Variants in VEPH1 observed in about 807,000 individuals in gnomAD.
VEPH1 encodes ventricular zone expressed PH domain containing 1.
In VEPH1, 80 loss-of-function variants were observed where a neutral mutation model predicts 85.2. The observed-to-expected ratio is 0.94, with a 90% CI of 0.78 to 1.13. VEPH1 has a LOEUF of 1.13. Ranked by LOEUF, VEPH1 falls within the 50% of genes most tolerant of loss-of-function variation. The pLI is 0.00. For missense variants in VEPH1, 955 were observed against 980.5 expected, an observed-to-expected ratio of 0.97 and a Z score of 0.35; for synonymous variants, 297 against 348.0, an observed-to-expected ratio of 0.85 and a Z score of 1.63.
intron 5 of VEPH1, among the ~76,000 whole-genome samples, chr3:157,422,841 T>C (rs1265406444): frequency 2.6e-5 from 4 of 152,220 alleles, no homozygotes; most frequent in Non-Finnish European, 5.9e-5. Context: ...CATACTCACA[T>C]GATCCTTTCC....
intron 7 of VEPH1, among the ~76,000 whole-genome samples, chr3:157,376,365 G>C (rs1728109641): frequency 6.6e-6 from 1 of 152,116 alleles, no homozygotes. Flanking sequence ...GCCAGTTACA[G>C]AGGTGCCCAG....
At chr3:157,373,040 G>A (rs1727688152) in intron 7 of VEPH1, among the ~76,000 whole-genome samples, 1 of 152,128 alleles carries the variant, frequency 6.6e-6, no homozygotes, top group Non-Finnish European at 1.5e-5. Context: ...TCTATGTATA[G>A]TCTTCACTGT....
intron 2 of VEPH1, among the ~76,000 whole-genome samples, chr3:157,472,943 T>C (rs953850689): frequency 2.6e-5 from 4 of 152,182 alleles, no homozygotes; most frequent in Non-Finnish European, 5.9e-5. Flanking sequence ...TGACTCCATG[T>C]CTTTGCTATT....
At chr3:157,333,718 C>A (rs536354378) in intron 9 of VEPH1, among the ~76,000 whole-genome samples, 1 of 152,334 alleles carries the variant, frequency 6.6e-6, no homozygotes, top group South Asian at 2.1e-4. Flanking sequence ...CCGTGATCCC[C>A]TGCAGGTACC....
At chr3:157,286,396 T>G in intron 12 of VEPH1, 161 bp downstream of exon 12, 1 of 668,406 alleles carries the variant, frequency 1.5e-6, no homozygotes, top group Non-Finnish European at 2.7e-6. Flanking sequence ...ACGACCACTT[T>G]GGTGAGACGC....
intron 2 of VEPH1, among the ~76,000 whole-genome samples, chr3:157,480,491 C>T (rs1737934685): frequency 6.6e-6 from 1 of 151,984 alleles, no homozygotes; most frequent in African/African-American, 2.4e-5. Context: ...TCTATTGTTC[C>T]CATCCTTACG....
At position 157,474,648 on chromosome 3, in the gene VEPH1, G is replaced by T. The variant is rs115226643; in HGVS notation, c.139-4119C>A. Among the ~76,000 whole-genome samples, 226 of 152,262 alleles carry T rather than the reference G, an allele frequency of 1.5e-3. 2 individuals are homozygous for T. The highest frequency in any genetic ancestry group is 5.1e-3 in the African/African-American group (214 of 41,556). On this transcript the variant is annotated intron_variant, in intron 2 of 13. Coordinates refer to ENST00000362010, the MANE Select transcript of VEPH1 (RefSeq NM_001167912.2). ...TCATAATCAACAATTTAAGCATGGT[G>T]GAGCTACATGTAGACTTCACAGGTC...
At chr3:157,315,931 GAA>G (rs760694772) in intron 10 of VEPH1, 4 of 151,870 alleles carry the variant, frequency 2.6e-5, no homozygotes, top group Admixed American at 6.6e-5. Flanking sequence ...TCAAGAAAAC[GAA>G]AGACAGTCAA....
intron 5 of VEPH1, among the ~76,000 whole-genome samples, chr3:157,422,438 T>C (rs994414171): frequency 6.6e-6 from 1 of 152,224 alleles, no homozygotes; most frequent in African/African-American, 2.4e-5. Context: ...ATATAGTGCC[T>C]GGTATATGGT....
intron 6 of VEPH1, among the ~76,000 whole-genome samples, chr3:157,396,977 C>A (rs530839915): frequency 6.6e-6 from 1 of 152,172 alleles, no homozygotes; most frequent in East Asian, 1.9e-4. Flanking sequence ...TTTGTTGCAA[C>A]TGCTTTTGAC....
chr3:157,422,179 A>G (rs1732395818), intron 5 of VEPH1, among the ~76,000 whole-genome samples: 1 of 152,094 alleles, frequency 6.6e-6, no homozygotes, highest in Non-Finnish European at 1.5e-5. Flanking sequence ...TGGGAAAGTG[A>G]CCCAGCTAGT....
chr3:157,292,269 G>A (rs1050687002), intron 11 of VEPH1, among the ~76,000 whole-genome samples: 7 of 152,156 alleles, frequency 4.6e-5, no homozygotes, highest in African/African-American at 1.4e-4. Flanking sequence ...GCTCTGGTGT[G>A]CCCTGACTGT....
At chr3:157,293,007 G>C (rs1331391352) in intron 11 of VEPH1, among the ~76,000 whole-genome samples, 1 of 149,252 alleles carries the variant, frequency 6.7e-6, no homozygotes, top group Non-Finnish European at 1.5e-5. Flanking sequence ...AAAGAAAAAA[G>C]AAAAAAGTTT....
chr3:157,304,023 T>TATATATATATC (rs1553761055), intron 11 of VEPH1, among the ~76,000 whole-genome samples: 1 of 89,134 alleles, frequency 1.1e-5, no homozygotes, highest in African/African-American at 5.1e-5. Context: ...CTTATATTTT[T>TATATATATATC]TATATATATA....
At chr3:157,454,675 G>T (rs73158515) in intron 4 of VEPH1, among the ~76,000 whole-genome samples, 22,098 of 152,082 alleles carry the variant, frequency 0.15, 2,009 homozygotes, top group African/African-American at 0.24. Flanking sequence ...GCATGATGCT[G>T]AGGTTTGGGG....
intron 2 of VEPH1, among the ~76,000 whole-genome samples, chr3:157,489,634 C>T (rs1739028075): frequency 6.6e-6 from 1 of 152,042 alleles, no homozygotes; most frequent in African/African-American, 2.4e-5. Context: ...TACTTATAAT[C>T]TTCTAATACA....
intron 12 of VEPH1, among the ~76,000 whole-genome samples, chr3:157,279,546 A>ATTTTC (rs1715815834): frequency 6.6e-6 from 1 of 152,162 alleles, no homozygotes; most frequent in Non-Finnish European, 1.5e-5. Flanking sequence ...AGGATAAGCC[A>ATTTTC]CTTAATTATG....
chr3:157,350,060 A>G (rs907010583), intron 9 of VEPH1, among the ~76,000 whole-genome samples: 1 of 152,230 alleles, frequency 6.6e-6, no homozygotes, highest in Non-Finnish European at 1.5e-5. Context: ...CCAAATAGCC[A>G]TAGCAATTCT....
intron 5 of VEPH1, among the ~76,000 whole-genome samples, chr3:157,415,906 A>G (rs896519544): frequency 3.3e-5 from 5 of 152,032 alleles, no homozygotes; most frequent in African/African-American, 4.8e-5. Context: ...AACCTCCCTC[A>G]GCTCCTCTCC....
Sources: gnomAD v4.1 joint callset for allele counts (sites outside exome capture counted in the v4.1 genomes callset) on GRCh38, gnomAD v4.1.1 for gene constraint, MANE v1.5 for transcripts, NCBI Gene and HGNC (gene_info 2026-07-23, HGNC 2026-07-21) for gene names.